PTPRN2: variants seen among roughly 807,000 people sequenced by gnomAD.
The protein encoded by PTPRN2 is protein tyrosine phosphatase receptor type N2.
Under a neutral mutation model 118.8 loss-of-function variants are expected in PTPRN2, and 74 were observed. The ratio of observed to expected loss-of-function variants is 0.62; its 90% CI spans 0.52 to 0.76. The LOEUF (loss-of-function observed/expected upper bound fraction) is 0.76. PTPRN2 is among the 30% of genes least tolerant of loss of function. PTPRN2 has a pLI of 0.00. For synonymous variants in PTPRN2, 641 were observed against 608.0 expected (o/e 1.05, Z -0.80); for missense variants, 1,481 against 1,394.4 (o/e 1.06, Z -0.99).
rs1333538798 is a variant in PTPRN2 at position 157,585,406 on chromosome 7, G to C, written c.2497-7266C>G. ...TCTCCGGGAAGGACTCAGCCTGCTTGTGTGCAAGCAGACCCCGTGTGGCTT... is the reference window on the plus strand; with the variant it reads ...TCTCCGGGAAGGACTCAGCCTGCTTCTGTGCAAGCAGACCCCGTGTGGCTT... On this transcript the variant is annotated intron_variant, in intron 17 of 22. Coordinates refer to ENST00000389418, the MANE Select transcript of PTPRN2 (RefSeq NM_002847.5). The surrounding 1 kb of genome is among the most constrained non-coding windows in gnomAD (Gnocchi z 5.2). 6.6e-6 allele frequency among the ~76,000 whole-genome samples: 1 copy of C among 152,210 alleles called. No homozygotes were observed. Among genetic ancestry groups the C allele is most frequent in the African/African-American group, 2.4e-5 (1 of 41,458 alleles).
At chr7:158,119,426 T>C (rs1219967876) in intron 9 of PTPRN2, among the ~76,000 whole-genome samples, 1 of 152,172 alleles carries the variant, frequency 6.6e-6, no homozygotes, top group African/African-American at 2.4e-5. Flanking sequence ...TGTGCCTTGT[T>C]GGTGAGAATG....
intron 3 of PTPRN2, among the ~76,000 whole-genome samples, chr7:158,254,787 C>T (rs968008125): frequency 3.6e-4 from 55 of 152,264 alleles, no homozygotes; most frequent in East Asian, 1.9e-4. Context: ...CACCTCCCTA[C>T]AGGACAGGAA....
At chr7:158,055,776 GT>G (rs1809736485) in intron 11 of PTPRN2, among the ~76,000 whole-genome samples, 2 of 152,170 alleles carry the variant, frequency 1.3e-5, no homozygotes, top group Admixed American at 1.3e-4. Flanking sequence ...CTGCCCCTTT[GT>G]TTTGTATCCA....
chr7:158,521,391 C>T lies in PTPRN2; in HGVS notation c.113-31606G>A, dbSNP rs888759370. 3.3e-4 allele frequency among the ~76,000 whole-genome samples: 50 copies of T among 152,214 alleles called. 1 individual carries two copies. Among genetic ancestry groups the T allele is most frequent in the Non-Finnish European group, 6.9e-4 (47 of 68,044 alleles). On this transcript the variant is annotated intron_variant, in intron 1 of 22. Transcript: ENST00000389418. Reference sequence around the variant, plus strand: ...GGCTTCCCAACAGGGTGAATTATTTCTGGAAATTGTTTTTTCTCCCTGCAT... The same window carrying T: ...GGCTTCCCAACAGGGTGAATTATTTTTGGAAATTGTTTTTTCTCCCTGCAT...
chr7:158,391,412 C>T (rs191462833), intron 2 of PTPRN2, among the ~76,000 whole-genome samples: 185 of 152,360 alleles, frequency 1.2e-3, no homozygotes, highest in African/African-American at 4.2e-3. Flanking sequence ...ACAGGCCCAT[C>T]TCTCCTTCGG....
chr7:158,283,610 C>T (rs114692832), intron 3 of PTPRN2, among the ~76,000 whole-genome samples: 2,096 of 152,272 alleles, frequency 0.014, 56 homozygotes, highest in African/African-American at 0.048. Context: ...AGCATGTCCA[C>T]GGCACCCTGA....
At chr7:157,545,892 G>A (rs940395794) in intron 22 of PTPRN2, among the ~76,000 whole-genome samples, 3 of 152,182 alleles carry the variant, frequency 2.0e-5, no homozygotes, top group Non-Finnish European at 2.9e-5. Flanking sequence ...TCTTGGCTTC[G>A]TAGAAGCAAG....
chr7:158,429,727 A>G (rs1359093991), intron 2 of PTPRN2, among the ~76,000 whole-genome samples: 1 of 152,212 alleles, frequency 6.6e-6, no homozygotes, highest in Non-Finnish European at 1.5e-5. Context: ...TCACTAATTC[A>G]TGGCTTTTTT....
In PTPRN2 at chr7:157,998,104, GA is replaced by G. The variant is rs1429464379; in HGVS notation, c.1723+83193del. Reference sequence around the variant, plus strand: ...AGTGCAGGGGAGAGGAGTACAGGGCGAGGGGGAGAGGAGTGTGGGGCTGGGG... The same window carrying G: ...AGTGCAGGGGAGAGGAGTACAGGGCGGGGGGAGAGGAGTGTGGGGCTGGGG... On this transcript the variant is annotated intron_variant, in intron 11 of 22. Coordinates refer to ENST00000389418, the MANE Select transcript of PTPRN2 (RefSeq NM_002847.5). Among the ~76,000 whole-genome samples the G allele has an allele frequency of 4.1e-3, 391 of 94,844 alleles. 15 individuals are homozygous for G. The highest frequency in any genetic ancestry group is 0.015 in the African/African-American group (367 of 24,920). 62.2% of individuals were successfully genotyped at this position (94,844 alleles called of 152,430 possible).
chr7:158,322,559 G>T (rs1256065745), intron 2 of PTPRN2, among the ~76,000 whole-genome samples: 1 of 151,962 alleles, frequency 6.6e-6, no homozygotes. Flanking sequence ...GCAGCTCCGT[G>T]CATGGCAGCA....
chr7:157,747,511 G>C (rs1335927587), intron 12 of PTPRN2, among the ~76,000 whole-genome samples: 4 of 83,270 alleles, frequency 4.8e-5, no homozygotes, highest in Admixed American at 1.5e-4. Context: ...GAGCTGTGGG[G>C]TGTGCGGGTG....
At chr7:157,819,680 C>T (rs376796876) in intron 12 of PTPRN2, among the ~76,000 whole-genome samples, 2 of 152,136 alleles carry the variant, frequency 1.3e-5, no homozygotes, top group African/African-American at 2.4e-5. Flanking sequence ...TTCAGGGGAG[C>T]GTGCTGGATG....
Position 158,003,731 on chromosome 7 carries a change from G to T in PTPRN2, c.1723+77567C>A, listed in dbSNP as rs909494861. ...TCCGGGCTCCAGCCCTGCGGTTGGCGGGATCCAGGTTTCTTGGTGGTGGCG... is the reference window on the plus strand; with the variant it reads ...TCCGGGCTCCAGCCCTGCGGTTGGCTGGATCCAGGTTTCTTGGTGGTGGCG... On this transcript the variant is annotated intron_variant, in intron 11 of 22. Transcript: ENST00000389418. The surrounding 1 kb of genome is among the most constrained non-coding windows in gnomAD (Gnocchi z 5.0). Among the ~76,000 whole-genome samples the T allele has an allele frequency of 6.6e-6, 1 of 152,156 alleles. No individual in the cohort carries two copies. Among genetic ancestry groups the T allele is most frequent in the Non-Finnish European group, 1.5e-5 (1 of 68,036 alleles).
intron 3 of PTPRN2, among the ~76,000 whole-genome samples, chr7:158,294,903 C>T (rs1800366812): frequency 7.0e-6 from 1 of 143,566 alleles, no homozygotes; most frequent in Admixed American, 7.0e-5. Flanking sequence ...TGCCTGTCTG[C>T]CCAGACACTG....
intron 2 of PTPRN2, among the ~76,000 whole-genome samples, chr7:158,348,031 G>A (rs1807644804): frequency 6.6e-6 from 1 of 152,040 alleles, no homozygotes; most frequent in South Asian, 2.1e-4. Context: ...CTCATTCCCT[G>A]CCCAGTCACT....
At chr7:157,796,502 G>A (rs1223118060) in intron 12 of PTPRN2, among the ~76,000 whole-genome samples, 4 of 152,222 alleles carry the variant, frequency 2.6e-5, no homozygotes, top group African/African-American at 9.6e-5. Context: ...CACTGGGAAA[G>A]GCGCAGAGAA....
chr7:158,094,849 C>T (rs1814503179), intron 10 of PTPRN2, among the ~76,000 whole-genome samples: 1 of 152,172 alleles, frequency 6.6e-6, no homozygotes, highest in Non-Finnish European at 1.5e-5. Context: ...CTGCGCAGTC[C>T]CCACCATCCC....
At chr7:158,160,436 A>T (rs575887757) in intron 6 of PTPRN2, among the ~76,000 whole-genome samples, 20 of 152,068 alleles carry the variant, frequency 1.3e-4, no homozygotes, top group Non-Finnish European at 2.2e-4. Flanking sequence ...GGACTCCAGG[A>T]CTCACACCAG....
At chr7:157,967,669 C>T (rs895988361) in intron 11 of PTPRN2, among the ~76,000 whole-genome samples, 1 of 152,156 alleles carries the variant, frequency 6.6e-6, no homozygotes, top group Admixed American at 6.5e-5. Context: ...GTCATCAACT[C>T]GCACAAGTTA....
Sources: gnomAD v4.1 joint callset for allele counts (sites outside exome capture counted in the v4.1 genomes callset) on GRCh38, gnomAD v4.1.1 for gene constraint, Gnocchi (gnomAD v3.1) non-coding constraint, MANE v1.5 for transcripts, NCBI Gene and HGNC (gene_info 2026-07-23, HGNC 2026-07-21) for gene names.